ADK: variants seen among roughly 807,000 people sequenced by gnomAD.
ADK encodes adenosine kinase.
A neutral mutation model predicts 44.7 loss-of-function variants in ADK; 24 were observed. That is an observed-to-expected ratio of 0.54 (90% CI 0.39 to 0.76). The LOEUF is 0.76. Among genes scored for constraint, ADK ranks in the 30% least tolerant of loss-of-function variants. ADK has a pLI of 0.00. For synonymous variants in ADK, 128 were observed against 142.6 expected (o/e 0.90, Z 0.73); for missense variants, 321 against 425.1 (o/e 0.76, Z 2.15).
chr10:74,348,594 C>G (rs987513111), intron 4 of ADK, among the ~76,000 whole-genome samples: 1 of 150,410 alleles, frequency 6.6e-6, no homozygotes, highest in Non-Finnish European at 1.5e-5. Flanking sequence ...CCCAAGACAC[C>G]TAATAGTCAG....
At chr10:74,411,150 G>A (rs1488553302) in intron 6 of ADK, among the ~76,000 whole-genome samples, 1 of 151,984 alleles carries the variant, frequency 6.6e-6, no homozygotes, top group African/African-American at 2.4e-5. Flanking sequence ...AACTATGAAT[G>A]TTTAAGCCTT....
chr10:74,457,195 A>G (rs952443126), intron 6 of ADK, among the ~76,000 whole-genome samples: 2 of 152,242 alleles, frequency 1.3e-5, no homozygotes, highest in Admixed American at 1.3e-4. Flanking sequence ...AGAGAATACT[A>G]TAGACACCTC....
At position 74,629,478 on chromosome 10, in the gene ADK, G is replaced by A. The variant is rs1009832772; in HGVS notation, c.877+28985G>A. ...TAAGACTTGAAATGTCAGCAGATAA[G>A]GTATCTGAACATGTCTATGACAGGA... On this transcript the variant is annotated intron_variant, in intron 9 of 10. Coordinates refer to ENST00000539909, the MANE Select transcript of ADK (RefSeq NM_006721.4). Among the ~76,000 whole-genome samples, 4 of 152,122 alleles carry A rather than the reference G, an allele frequency of 2.6e-5. No individual in the cohort carries two copies. The South Asian group carries it at 6.2e-4, about 24-fold the overall frequency.
intron 7 of ADK, among the ~76,000 whole-genome samples, chr10:74,579,481 A>G (rs1851305754): frequency 6.6e-6 from 1 of 152,168 alleles, no homozygotes; most frequent in Non-Finnish European, 1.5e-5. Flanking sequence ...AAAACCAGAC[A>G]AGGTATATAA....
chr10:74,317,281 C>T (rs920643920), intron 4 of ADK, among the ~76,000 whole-genome samples: 7 of 152,152 alleles, frequency 4.6e-5, no homozygotes, highest in African/African-American at 1.4e-4. Context: ...CTTATCTGCT[C>T]AATATCCTGC....
chr10:74,165,813 C>A (rs1424676870), intron 1 of ADK, among the ~76,000 whole-genome samples: 2 of 152,188 alleles, frequency 1.3e-5, no homozygotes, highest in Non-Finnish European at 2.9e-5. Flanking sequence ...AGACTTGTGT[C>A]TCTCAAGTTT....
intron 5 of ADK, among the ~76,000 whole-genome samples, chr10:74,397,064 A>G (rs1843543932): frequency 6.6e-6 from 1 of 152,144 alleles, no homozygotes. Context: ...TGGTACCAGA[A>G]ATGTTTGCTT....
intron 4 of ADK, among the ~76,000 whole-genome samples, chr10:74,362,398 G>A (rs774561136): frequency 2.1e-4 from 32 of 149,462 alleles, no homozygotes; most frequent in Non-Finnish European, 3.9e-4. Flanking sequence ...AGGATTTCTG[G>A]TTTTTTAAAA....
At chr10:74,155,127 T>G (rs1315376558) in intron 1 of ADK, among the ~76,000 whole-genome samples, 2 of 152,180 alleles carry the variant, frequency 1.3e-5, no homozygotes, top group Non-Finnish European at 1.5e-5. Context: ...CTGTTTCACT[T>G]CCATGGACCC....
chr10:74,582,759 T>C (rs554267260), intron 7 of ADK, among the ~76,000 whole-genome samples: 2 of 152,318 alleles, frequency 1.3e-5, no homozygotes, highest in African/African-American at 4.8e-5. Context: ...CATTGCCCCA[T>C]AGAGTTTTTG....
chr10:74,400,767 C>A (rs1387469894), intron 6 of ADK, among the ~76,000 whole-genome samples: 1 of 152,216 alleles, frequency 6.6e-6, no homozygotes, highest in East Asian at 1.9e-4. Flanking sequence ...ATCTATTCAA[C>A]AAATATCCGT....
chr10:74,531,596 C>A (rs962920114), intron 7 of ADK, among the ~76,000 whole-genome samples: 7 of 152,272 alleles, frequency 4.6e-5, no homozygotes, highest in African/African-American at 1.7e-4. Flanking sequence ...TACAATGGCA[C>A]AATCATGTCT....
chr10:74,530,771 C>T (rs1171752509), intron 7 of ADK, among the ~76,000 whole-genome samples: 1 of 152,028 alleles, frequency 6.6e-6, no homozygotes, highest in Non-Finnish European at 1.5e-5. Flanking sequence ...ACTAAAAATA[C>T]AAAAAAGCCT....
At chr10:74,542,881 TTTAG>T (rs1205194892) in intron 7 of ADK, among the ~76,000 whole-genome samples, 10 of 150,504 alleles carry the variant, frequency 6.6e-5, no homozygotes, top group African/African-American at 2.2e-4. Context: ...TTAATTTTAT[TTTAG>T]TTATTTATTT....
At chr10:74,253,855 C>T (rs1448391758) in intron 3 of ADK, among the ~76,000 whole-genome samples, 2 of 151,086 alleles carry the variant, frequency 1.3e-5, no homozygotes, top group East Asian at 3.9e-4. Flanking sequence ...CAACCTCTGC[C>T]TCCCAGGTTC....
At chr10:74,302,450 G>A (rs1205298505) in intron 3 of ADK, among the ~76,000 whole-genome samples, 1 of 151,454 alleles carries the variant, frequency 6.6e-6, no homozygotes, top group Non-Finnish European at 1.5e-5. Flanking sequence ...GACTGTTGAT[G>A]GTTTTCTCAG....
intron 3 of ADK, among the ~76,000 whole-genome samples, chr10:74,257,737 A>G (rs1845880461): frequency 6.6e-6 from 1 of 152,220 alleles, no homozygotes. Context: ...TTGACATGAA[A>G]TGATTTCTGT....
At chr10:74,615,705 T>TTTTG (rs1852728971) in intron 9 of ADK, among the ~76,000 whole-genome samples, 2 of 151,892 alleles carry the variant, frequency 1.3e-5, no homozygotes, top group Non-Finnish European at 2.9e-5. Flanking sequence ...TTGTGTGTAG[T>TTTTG]TTTGTTTTGT....
At chr10:74,476,981 T>C (rs1246343324) in intron 6 of ADK, among the ~76,000 whole-genome samples, 1 of 152,208 alleles carries the variant, frequency 6.6e-6, no homozygotes, top group Non-Finnish European at 1.5e-5. Context: ...GTGTTTAGTA[T>C]GTAAAATATA....
Sources: gnomAD v4.1 joint callset for allele counts (sites outside exome capture counted in the v4.1 genomes callset) on GRCh38, gnomAD v4.1.1 for gene constraint, MANE v1.5 for transcripts, NCBI Gene and HGNC (gene_info 2026-07-23, HGNC 2026-07-21) for gene names.